Variants in FHOD3 observed in about 807,000 individuals in gnomAD.
The protein encoded by FHOD3 is formin homology 2 domain containing 3.
A neutral mutation model predicts 173.0 loss-of-function variants in FHOD3; 90 were observed. The observed-to-expected ratio is 0.52, with a 90% CI of 0.44 to 0.62. The LOEUF is 0.62. FHOD3 is among the 20% of genes least tolerant of loss of function. The pLI is 0.00. For synonymous variants in FHOD3, 828 were observed against 823.0 expected (o/e 1.01, Z -0.10); for missense variants, 1,945 against 2,034.7 (o/e 0.96, Z 0.85).
intron 5 of FHOD3, among the ~76,000 whole-genome samples, chr18:36,531,005 T>A (rs573356169): frequency 6.6e-6 from 1 of 152,250 alleles, no homozygotes; most frequent in South Asian, 2.1e-4. Flanking sequence ...TCTGTGACCA[T>A]GGTTGAATTA....
At chr18:36,628,416 G>A (rs1475585565) in intron 10 of FHOD3, among the ~76,000 whole-genome samples, 1 of 152,174 alleles carries the variant, frequency 6.6e-6, no homozygotes, top group Non-Finnish European at 1.5e-5. Context: ...TACATTCCTT[G>A]TAGGTATTTT....
At chr18:36,516,557 C>T (rs891936822) in intron 5 of FHOD3, among the ~76,000 whole-genome samples, 6 of 152,110 alleles carry the variant, frequency 3.9e-5, no homozygotes, top group African/African-American at 1.2e-4. Context: ...CTGGAGAAGA[C>T]GAACTGGCTG....
chr18:36,497,328 C>A (rs1204005805), intron 3 of FHOD3, among the ~76,000 whole-genome samples: 1 of 152,142 alleles, frequency 6.6e-6, no homozygotes, highest in Non-Finnish European at 1.5e-5. Flanking sequence ...TGCTGTTTAT[C>A]AAAGAGTTTG....
chr18:36,385,507 C>T (rs1490766940), intron 3 of FHOD3, among the ~76,000 whole-genome samples: 1 of 152,122 alleles, frequency 6.6e-6, no homozygotes, highest in African/African-American at 2.4e-5. Flanking sequence ...AGTGATTCTC[C>T]TGACTCAGCC....
At chr18:36,429,490 C>T (rs2050418606) in intron 3 of FHOD3, among the ~76,000 whole-genome samples, 1 of 152,156 alleles carries the variant, frequency 6.6e-6, no homozygotes, top group Non-Finnish European at 1.5e-5. Flanking sequence ...GAGGAGCCTC[C>T]ATCTGCCTTT....
intron 5 of FHOD3, among the ~76,000 whole-genome samples, chr18:36,572,626 G>A (rs1006668098): frequency 2.6e-5 from 4 of 152,104 alleles, no homozygotes; most frequent in Non-Finnish European, 5.9e-5. Flanking sequence ...AGAATGTTGC[G>A]GGGAACAGAT....
chr18:36,501,111 A>T (rs544493005), intron 3 of FHOD3, among the ~76,000 whole-genome samples: 32 of 152,260 alleles, frequency 2.1e-4, no homozygotes, highest in Middle Eastern at 3.4e-3. Flanking sequence ...CTTCTTCCTG[A>T]GGCCTGGTCT....
chr18:36,591,097 T>G (rs1237140266), intron 6 of FHOD3, among the ~76,000 whole-genome samples: 2 of 152,212 alleles, frequency 1.3e-5, no homozygotes, highest in African/African-American at 4.8e-5. Context: ...CTTGAAGAAA[T>G]TTCTTCAGCC....
chr18:36,352,329 A>G (rs112915263), intron 1 of FHOD3, among the ~76,000 whole-genome samples: 5 of 152,356 alleles, frequency 3.3e-5, no homozygotes, highest in African/African-American at 1.2e-4. Context: ...TGAGCAGATT[A>G]TATTAAAAAC....
rs180679651 is a variant in FHOD3 at position 36,679,704 on chromosome 18, C to T, written c.1836-1732C>T. On this transcript the variant is annotated intron_variant, in intron 14 of 28. Transcript: ENST00000590592. ...TATGGATTTTTTTCAAATTTATCTCCTTGTTATTGATTTTCAATGCAGTTG... is the reference window on the plus strand; with the variant it reads ...TATGGATTTTTTTCAAATTTATCTCTTTGTTATTGATTTTCAATGCAGTTG... 8.1e-3 allele frequency among the ~76,000 whole-genome samples: 1,229 copies of T among 151,610 alleles called. 11 individuals are homozygous for T. Among genetic ancestry groups the T allele is most frequent in the Non-Finnish European group, 0.012 (828 of 67,898 alleles).
intron 3 of FHOD3, among the ~76,000 whole-genome samples, chr18:36,397,234 C>G (rs1355642972): frequency 6.6e-6 from 1 of 152,226 alleles, no homozygotes; most frequent in East Asian, 1.9e-4. Flanking sequence ...TGAATATCTG[C>G]TGGTTATTTT....
At chr18:36,337,663 A>G (rs994721408) in intron 1 of FHOD3, among the ~76,000 whole-genome samples, 6 of 152,158 alleles carry the variant, frequency 3.9e-5, no homozygotes, top group African/African-American at 1.4e-4. Context: ...TCTTCCGATT[A>G]AAAGTGCACA....
At chr18:36,458,299 G>T (rs1443781388) in intron 3 of FHOD3, among the ~76,000 whole-genome samples, 2 of 152,118 alleles carry the variant, frequency 1.3e-5, no homozygotes, top group African/African-American at 4.8e-5. Context: ...AAGGAGAGTG[G>T]ACTTGTGGTT....
chr18:36,327,037 G>A (rs2044707435), intron 1 of FHOD3, among the ~76,000 whole-genome samples: 1 of 152,158 alleles, frequency 6.6e-6, no homozygotes, highest in Admixed American at 6.5e-5. Flanking sequence ...GTTGCTTTCA[G>A]TGATATCTCT....
At chr18:36,358,984 G>T (rs1246055018) in intron 2 of FHOD3, among the ~76,000 whole-genome samples, 2 of 152,164 alleles carry the variant, frequency 1.3e-5, no homozygotes, top group African/African-American at 4.8e-5. Flanking sequence ...CTTTGAAATA[G>T]ACTTTTTAGG....
chr18:36,471,879 T>C (rs1459776547), intron 3 of FHOD3, among the ~76,000 whole-genome samples: 1 of 152,184 alleles, frequency 6.6e-6, no homozygotes, highest in Non-Finnish European at 1.5e-5. Flanking sequence ...CGAGATGATA[T>C]GAGTAATGAT....
chr18:36,658,271 A>G (rs1600118654), intron 14 of FHOD3, 83 bp downstream of exon 14: 1 of 903,674 alleles, frequency 1.1e-6, no homozygotes, highest in South Asian at 1.6e-5. Flanking sequence ...AAGGAAAAAT[A>G]TAAATAAAAG....
chr18:36,331,366 C>A (rs954602529), intron 1 of FHOD3, among the ~76,000 whole-genome samples: 1 of 152,170 alleles, frequency 6.6e-6, no homozygotes, highest in Non-Finnish European at 1.5e-5. Context: ...GCCTCTTGTT[C>A]TTCTGAGAAT....
At chr18:36,315,800 A>G (rs1185743447) in intron 1 of FHOD3, among the ~76,000 whole-genome samples, 2 of 152,110 alleles carry the variant, frequency 1.3e-5, no homozygotes, top group East Asian at 3.9e-4. Flanking sequence ...ACTCAAGCAG[A>G]CACCCCATTA....
Sources: allele counts gnomAD v4.1 joint callset (sites outside exome capture counted in the v4.1 genomes callset), GRCh38; gene constraint gnomAD v4.1.1; transcripts MANE v1.5; gene names NCBI Gene and HGNC (gene_info 2026-07-23, HGNC 2026-07-21).